KIRREL3: variants seen among roughly 807,000 people sequenced by gnomAD.
KIRREL3 encodes the protein kin of IRRE-like protein 3.
KIRREL3 carries 36 observed loss-of-function variants against 89.7 expected under a neutral mutation model. The observed-to-expected ratio is 0.40, with a 90% CI of 0.31 to 0.53. KIRREL3 has a LOEUF of 0.53. KIRREL3 is among the 20% of genes least tolerant of loss of function. KIRREL3 has a pLI of 0.49. For synonymous variants in KIRREL3, 445 were observed against 441.4 expected (o/e 1.01, Z -0.10); for missense variants, 864 against 1,056.6 (o/e 0.82, Z 2.53).
In KIRREL3 at chr11:126,761,174, G is replaced by T. The variant is rs1381533587; in HGVS notation, c.56-198262C>A. Among the ~76,000 whole-genome samples, 1 of 152,210 alleles carries T rather than the reference G, an allele frequency of 6.6e-6. No individual in the cohort carries two copies. The highest frequency in any genetic ancestry group is 1.5e-5 in the Non-Finnish European group (1 of 68,046). On this transcript the variant is annotated intron_variant, in intron 1 of 16. Transcript: ENST00000525144. The surrounding 1 kb of genome is among the most constrained non-coding windows in gnomAD (Gnocchi z 4.4). ...ATACCTGTCTTGATCATTCTGAGAA[G>T]AATGGAAACACTGGGAAGATATGGT...
rs1325866733 is a variant in KIRREL3, at chr11:126,987,420, T to G, written c.55+13035A>C. On this transcript the variant is annotated intron_variant, in intron 1 of 16. Coordinates refer to ENST00000525144, the MANE Select transcript of KIRREL3 (RefSeq NM_032531.4). This position sits in a 1 kb window ranked among gnomAD's most constrained non-coding sequence, Gnocchi z 4.6. ...ATCTGTTGATAATAAGAGTGAAAGG[T>G]AGATTTCCTGTTATTTTCACAGACA... Among the ~76,000 whole-genome samples, 1 of 152,168 alleles carries G rather than the reference T, an allele frequency of 6.6e-6. No homozygotes were observed. The highest frequency in any genetic ancestry group is 1.5e-5 in the Non-Finnish European group (1 of 68,032).
Position 126,776,980 on chromosome 11 carries a change from A to G in KIRREL3, c.56-214068T>C, listed in dbSNP as rs1950186749. Among the ~76,000 whole-genome samples, 1 of 152,178 alleles carries G rather than the reference A, an allele frequency of 6.6e-6. No homozygotes were observed. The highest frequency in any genetic ancestry group is 2.4e-5 in the African/African-American group (1 of 41,444). ...ATGTGGCTTCTTGAGAGATGTCAGG[A>G]CTGCCATTTGTGAGCTGTGTTAAAC... On this transcript the variant is annotated intron_variant, in intron 1 of 16. Coordinates refer to ENST00000525144, the MANE Select transcript of KIRREL3 (RefSeq NM_032531.4). The surrounding 1 kb of genome is among the most constrained non-coding windows in gnomAD (Gnocchi z 4.7).
rs903513938 is a variant in KIRREL3 at position 126,566,995 on chromosome 11, C to T, written c.56-4083G>A. Among the ~76,000 whole-genome samples, 12 of 152,166 alleles carry T rather than the reference C, an allele frequency of 7.9e-5. No individual in the cohort carries two copies. Among genetic ancestry groups the T allele is most frequent in the African/African-American group, 2.9e-4 (12 of 41,432 alleles). On this transcript the variant is annotated intron_variant, in intron 1 of 16. Transcript: ENST00000525144. The surrounding 1 kb of genome is among the most constrained non-coding windows in gnomAD (Gnocchi z 4.9). ...CCCATGGCTGATTTTTGGCTTGGTT[C>T]TTAGGGTAAAGTACGGGGTCGCAGA...
In KIRREL3 at chr11:126,607,126, C is replaced by G. The variant is rs1320153564; in HGVS notation, c.56-44214G>C. 1.3e-5 allele frequency among the ~76,000 whole-genome samples: 2 copies of G among 152,160 alleles called. No individual in the cohort carries two copies. The highest frequency in any genetic ancestry group is 4.8e-5 in the African/African-American group (2 of 41,430). ...CGTGGGGCTTATGAGTAGCTAGGGC[C>G]TCCCAGGAGGTCGTCAGAGTGGATG... On this transcript the variant is annotated intron_variant, in intron 1 of 16. Coordinates refer to ENST00000525144, the MANE Select transcript of KIRREL3 (RefSeq NM_032531.4). The surrounding 1 kb of genome is among the most constrained non-coding windows in gnomAD (Gnocchi z 6.6).
chr11:126,832,456 A>G (rs1030293108), intron 1 of KIRREL3, among the ~76,000 whole-genome samples: 4 of 151,954 alleles, frequency 2.6e-5, no homozygotes, highest in African/African-American at 7.2e-5. Flanking sequence ...CATAAAGGCA[A>G]CCTCCTCCCT....
At chr11:126,472,477 G>A (rs146600090) in intron 5 of KIRREL3, among the ~76,000 whole-genome samples, 2 of 152,270 alleles carry the variant, frequency 1.3e-5, no homozygotes, top group Non-Finnish European at 2.9e-5. Flanking sequence ...TCCCATTTAT[G>A]AAGCTCCACC....
chr11:126,690,759 G>A (rs1300639017), intron 1 of KIRREL3, among the ~76,000 whole-genome samples: 1 of 152,194 alleles, frequency 6.6e-6, no homozygotes, highest in Non-Finnish European at 1.5e-5. Flanking sequence ...TGATGTCGAG[G>A]AATCTTTACC....
rs1197877946 is a variant in KIRREL3 at position 126,544,911 on chromosome 11, G to A, written c.133+17924C>T. Among the ~76,000 whole-genome samples the A allele has an allele frequency of 3.3e-5, 5 of 152,090 alleles. No individual in the cohort carries two copies. Among genetic ancestry groups the A allele is most frequent in the Admixed American group, 6.5e-5 (1 of 15,270 alleles). ...TCTAACCTATTTAGGCCACAGAGAGGGGAGAAGACACAATAATGAAAAACT... is the reference window on the plus strand; with the variant it reads ...TCTAACCTATTTAGGCCACAGAGAGAGGAGAAGACACAATAATGAAAAACT... On this transcript the variant is annotated intron_variant, in intron 2 of 16. Coordinates refer to ENST00000525144, the MANE Select transcript of KIRREL3 (RefSeq NM_032531.4). This position sits in a 1 kb window ranked among gnomAD's most constrained non-coding sequence, Gnocchi z 5.6.
chr11:126,961,293 C>T (rs932047837), intron 1 of KIRREL3, among the ~76,000 whole-genome samples: 5 of 152,078 alleles, frequency 3.3e-5, no homozygotes, highest in African/African-American at 7.2e-5. Flanking sequence ...CCTCTTGTGC[C>T]GAATAGTCAG....
At chr11:126,847,358 A>G (rs1267261274) in intron 1 of KIRREL3, among the ~76,000 whole-genome samples, 3 of 152,106 alleles carry the variant, frequency 2.0e-5, no homozygotes, top group Admixed American at 2.0e-4. Flanking sequence ...AGGTAACCAC[A>G]TTTCTTTGTT....
At chr11:126,658,191 T>G (rs780117902) in intron 1 of KIRREL3, among the ~76,000 whole-genome samples, 1 of 152,248 alleles carries the variant, frequency 6.6e-6, no homozygotes, top group Non-Finnish European at 1.5e-5. Context: ...ACAAGAAGAA[T>G]AAGGAAGCTT....
At chr11:126,727,648 T>C (rs997430198) in intron 1 of KIRREL3, among the ~76,000 whole-genome samples, 3 of 152,176 alleles carry the variant, frequency 2.0e-5, no homozygotes, top group South Asian at 2.1e-4. Flanking sequence ...ATTTTTGTGG[T>C]CCTCCTTCTT....
At position 126,462,341 on chromosome 11, in the gene KIRREL3, C is replaced by A. The variant is rs544347302; in HGVS notation, c.742+816G>T. Among the ~76,000 whole-genome samples the A allele has an allele frequency of 2.0e-5, 3 of 152,290 alleles. No individual in the cohort carries two copies. In the South Asian group the frequency reaches 6.2e-4, roughly 32 times the overall value. On this transcript the variant is annotated intron_variant, in intron 6 of 16. Coordinates refer to ENST00000525144, the MANE Select transcript of KIRREL3 (RefSeq NM_032531.4). The surrounding 1 kb of genome is among the most constrained non-coding windows in gnomAD (Gnocchi z 4.8). ...CCTCAGTTTCCCACGGTAGGGACCACAGTTGCACCTTCTCCAAACAGTTGT... is the reference window on the plus strand; with the variant it reads ...CCTCAGTTTCCCACGGTAGGGACCAAAGTTGCACCTTCTCCAAACAGTTGT...
At chr11:126,859,852 G>A (rs1944650819) in intron 1 of KIRREL3, among the ~76,000 whole-genome samples, 1 of 152,114 alleles carries the variant, frequency 6.6e-6, no homozygotes, top group South Asian at 2.1e-4. Flanking sequence ...CTTAACCTGA[G>A]TCTTGCTATT....
At position 126,900,261 on chromosome 11, in the gene KIRREL3, C is replaced by T. The variant is rs1025058572; in HGVS notation, c.55+100194G>A. Reference sequence around the variant, plus strand: ...TTTGGATCACTTGAATTATTCAAACCAAAGACGCCTTCACCACCAATGATC... The same window carrying T: ...TTTGGATCACTTGAATTATTCAAACTAAAGACGCCTTCACCACCAATGATC... On this transcript the variant is annotated intron_variant, in intron 1 of 16. Transcript: ENST00000525144. The surrounding 1 kb of genome is among the most constrained non-coding windows in gnomAD (Gnocchi z 4.4). Among the ~76,000 whole-genome samples the T allele has an allele frequency of 6.6e-6, 1 of 152,144 alleles. No homozygotes were observed. The highest frequency in any genetic ancestry group is 1.5e-5 in the Non-Finnish European group (1 of 68,030).
Position 126,788,392 on chromosome 11 carries a change from G to C in KIRREL3, c.55+212063C>G, listed in dbSNP as rs892256355. Reference sequence around the variant, plus strand: ...CATTTCTGCAGGGTCTGTGGCCCTTGGTTTTGAGACTGAGACAGGGCTGTG... The same window carrying C: ...CATTTCTGCAGGGTCTGTGGCCCTTCGTTTTGAGACTGAGACAGGGCTGTG... On this transcript the variant is annotated intron_variant, in intron 1 of 16. Coordinates refer to ENST00000525144, the MANE Select transcript of KIRREL3 (RefSeq NM_032531.4). This position sits in a 1 kb window ranked among gnomAD's most constrained non-coding sequence, Gnocchi z 4.1. Among the ~76,000 whole-genome samples, 2 of 152,184 alleles carry C rather than the reference G, an allele frequency of 1.3e-5. No individual in the cohort carries two copies. Among genetic ancestry groups the C allele is most frequent in the Non-Finnish European group, 1.5e-5 (1 of 68,034 alleles).
At chr11:126,662,799 A>C (rs1387001044) in intron 1 of KIRREL3, among the ~76,000 whole-genome samples, 1 of 151,916 alleles carries the variant, frequency 6.6e-6, no homozygotes, top group Non-Finnish European at 1.5e-5. Flanking sequence ...AGAAAGTCAC[A>C]TGGAGGCAGA....
At position 126,471,125 on chromosome 11, in the gene KIRREL3, A is replaced by T. The variant is rs1956877516; in HGVS notation, c.591+2184T>A. On this transcript the variant is annotated intron_variant, in intron 5 of 16. Transcript: ENST00000525144. This position sits in a 1 kb window ranked among gnomAD's most constrained non-coding sequence, Gnocchi z 5.4. ...GTAATCCCAGCACTTTGGGAGGCTG[A>T]GGCAGGTGGATCACCTGAGGTCGGG... Among the ~76,000 whole-genome samples, 1 of 152,166 alleles carries T rather than the reference A, an allele frequency of 6.6e-6. No individual in the cohort carries two copies. Among genetic ancestry groups the T allele is most frequent in the South Asian group, 2.1e-4 (1 of 4,830 alleles).
At chr11:126,502,575 C>A (rs1957895945) in intron 4 of KIRREL3, among the ~76,000 whole-genome samples, 1 of 152,212 alleles carries the variant, frequency 6.6e-6, no homozygotes, top group African/African-American at 2.4e-5. Context: ...TCTTTTGGTG[C>A]TGTGTCTCTC....
Sources: gnomAD v4.1 joint callset for allele counts (sites outside exome capture counted in the v4.1 genomes callset) on GRCh38, gnomAD v4.1.1 for gene constraint, Gnocchi (gnomAD v3.1) non-coding constraint, MANE v1.5 for transcripts, NCBI Gene and HGNC (gene_info 2026-07-23, HGNC 2026-07-21) for gene names.